The following EMC8 variants were observed in gnomAD, a reference collection of about 807,000 sequenced individuals.
The protein encoded by EMC8 is ER membrane protein complex subunit 8.
Under a neutral mutation model 24.3 loss-of-function variants are expected in EMC8, and 11 were observed. The ratio of observed to expected loss-of-function variants is 0.45; its 90% CI spans 0.28 to 0.75. EMC8 has a LOEUF of 0.75. Among genes scored for constraint, EMC8 ranks in the 30% least tolerant of loss-of-function variants. The pLI is 0.12. For missense variants in EMC8, 277 were observed against 282.7 expected, an observed-to-expected ratio of 0.98 and a Z score of 0.14; for synonymous variants, 145 against 117.7, an observed-to-expected ratio of 1.23 and a Z score of -1.50.
Position 85,799,187 on chromosome 16 carries a change from G to C in EMC8, c.109C>G (p.Pro37Ala). Residue 37 changes from proline to alanine, a missense_variant, in exon 1 of 5, where the codon CCG becomes GCG. Physicochemically the swap from Pro to Ala is conservative, Grantham distance 27 (BLOSUM62 -1). Coordinates refer to ENST00000253457, the MANE Select transcript of EMC8 (RefSeq NM_006067.5). This position sits in a 1 kb window ranked among gnomAD's most constrained non-coding sequence, Gnocchi z 4.2. ...NGLLVAEKQKPRKEHLPLGGP... is the reference protein window; with the variant it reads ...NGLLVAEKQKARKEHLPLGGP... The stretch of plus-strand genomic sequence containing the variant: ...CCCAGGGGGAGGTGCTCCTTACGCG[G>C]CTTCTGCTTCTCGGCCACCAGGAGC... 1 of 1,612,884 alleles carries C rather than the reference G, an allele frequency of 6.2e-7. No individual in the cohort carries two copies. The highest frequency in any genetic ancestry group is 8.5e-7 in the Non-Finnish European group (1 of 1,179,624).
chr16:85,780,408 C>A lies in EMC8; in HGVS notation c.444G>T (p.Glu148Asp), dbSNP rs1197943128. ...GTGGGTCTCTGCACCGCCATCTGTTCTCATGGTGCTCGTACACGTGGATCG... is the reference window on the plus strand; with the variant it reads ...GTGGGTCTCTGCACCGCCATCTGTTATCATGGTGCTCGTACACGTGGATCG... Reference protein sequence around the residue: ...APTIHVYEHHENRWRCRDPHH... With the variant: ...APTIHVYEHHDNRWRCRDPHH... Residue 148 changes from glutamate to aspartate, a missense_variant, in exon 4 of 5, where the codon GAG becomes GAT. Transcript: ENST00000253457. 10 of 1,614,206 alleles carry A rather than the reference C, an allele frequency of 6.2e-6. No individual in the cohort carries two copies. In the South Asian group the frequency reaches 1.1e-4, roughly 18 times the overall value.
rs1000092520 is a variant in EMC8 at position 85,780,079 on chromosome 16, T to C, written c.474-212A>G. 1.2e-5 allele frequency: 7 copies of C among 596,674 alleles called. No homozygotes were observed. The African/African-American group carries it at 1.3e-4, about 11-fold the overall frequency. 37.0% of individuals were successfully genotyped at this position (596,674 alleles called of 1,614,324 possible). On this transcript the variant is annotated intron_variant, in intron 4 of 4. Coordinates refer to ENST00000253457, the MANE Select transcript of EMC8 (RefSeq NM_006067.5). ...AAGGGACGCCTTTCACGTGGAATTC[T>C]GAGAAAGTTGGAGGCAGATGACTGA... is the stretch of plus-strand genomic sequence containing the variant.
At chr16:85,780,073 G>A in intron 4 of EMC8, 1 of 604,456 alleles carries the variant, frequency 1.7e-6, no homozygotes, top group Non-Finnish European at 2.9e-6. Context: ...CTTTCACGTG[G>A]AATTCTGAGA....
intron 1 of EMC8, among the ~76,000 whole-genome samples, chr16:85,795,690 G>T (rs1905219750): frequency 6.6e-6 from 1 of 152,168 alleles, no homozygotes; most frequent in Admixed American, 6.5e-5. Context: ...TGTATCCTTT[G>T]CAGTGTCCTG....
At chr16:85,781,018 G>T in intron 3 of EMC8, 193 bp downstream of exon 3, 1 of 585,634 alleles carries the variant, frequency 1.7e-6, no homozygotes, top group Non-Finnish European at 3.1e-6. Flanking sequence ...CTTGTGTAGT[G>T]ATGCGGAAGC....
At chr16:85,795,292 C>T (rs982942257) in intron 1 of EMC8, among the ~76,000 whole-genome samples, 1 of 152,206 alleles carries the variant, frequency 6.6e-6, no homozygotes, top group Non-Finnish European at 1.5e-5. Context: ...CTTCTTCTCC[C>T]ACTCCTGGGC....
Position 85,799,147 on chromosome 16 carries a change from T to A in EMC8, c.149A>T (p.His50Leu). Residue 50 changes from histidine (H) to leucine (L), a missense_variant, in exon 1 of 5, where the codon CAC becomes CTC. Coordinates refer to ENST00000253457, the MANE Select transcript of EMC8 (RefSeq NM_006067.5). The surrounding 1 kb of genome is among the most constrained non-coding windows in gnomAD (Gnocchi z 4.2). ...GATGCAGTCCACGAAGAGGGTGTGG[T>A]GGGCGCCGGGGCCGCCCAGGGGGAG... ...EHLPLGGPGA[H>L]HTLFVDCIPL... 6 of 1,604,840 alleles carry A rather than the reference T, an allele frequency of 3.7e-6. No homozygotes were observed. Among genetic ancestry groups the A allele is most frequent in the Non-Finnish European group, 4.3e-6 (5 of 1,175,976 alleles).
At chr16:85,793,412 C>G (rs1905098729) in intron 1 of EMC8, among the ~76,000 whole-genome samples, 1 of 152,132 alleles carries the variant, frequency 6.6e-6, no homozygotes, top group Non-Finnish European at 1.5e-5. Flanking sequence ...GCTGATCTTT[C>G]TATGGAATGA....
chr16:85,797,192 G>A (rs1470892151), intron 1 of EMC8, among the ~76,000 whole-genome samples: 1 of 152,186 alleles, frequency 6.6e-6, no homozygotes, highest in African/African-American at 2.4e-5. Flanking sequence ...CGTATTACTT[G>A]AGGTAAGGAG....
rs780461447 is a variant in EMC8 at position 85,779,765 on chromosome 16, G to C, written c.576C>G (p.Asp192Glu). 6.2e-7 allele frequency: 1 copy of C among 1,614,122 alleles called. No individual in the cohort carries two copies. Among genetic ancestry groups the C allele is most frequent in the African/African-American group, 1.3e-5 (1 of 74,952 alleles). Residue 192 changes from aspartate to glutamate, a missense_variant, in exon 5 of 5, where the codon GAC becomes GAG. Asp to Glu is a conservative substitution (Grantham distance 45, BLOSUM62 2). Coordinates refer to ENST00000253457, the MANE Select transcript of EMC8 (RefSeq NM_006067.5). Reference protein sequence around the residue: ...TLVDFDNHLDDIRNDWTNPEI... With the variant: ...TLVDFDNHLDEIRNDWTNPEI... ...CTGGGTTTGTCCAGTCATTCCGAAT[G>C]TCATCCAGGTGGTTATCGAAATCCA...
intron 2 of EMC8, among the ~76,000 whole-genome samples, chr16:85,786,412 A>G (rs1904756796): frequency 6.6e-6 from 1 of 152,216 alleles, no homozygotes. Flanking sequence ...TGAGCTCCCA[A>G]GCTGTGTGGC....
chr16:85,790,225 T>A (rs147815069), intron 1 of EMC8, among the ~76,000 whole-genome samples: 73 of 152,260 alleles, frequency 4.8e-4, no homozygotes, highest in African/African-American at 1.6e-3. Context: ...CTATTGCTCT[T>A]TTTCCTAAAT....
At chr16:85,792,700 C>T (rs1246016430) in intron 1 of EMC8, 2 of 152,192 alleles carry the variant, frequency 1.3e-5, no homozygotes, top group Admixed American at 1.3e-4. Flanking sequence ...AGGATCCTGC[C>T]CTCAGCCCAA....
intron 1 of EMC8, among the ~76,000 whole-genome samples, chr16:85,792,077 T>C (rs891142793): frequency 1.3e-5 from 2 of 152,132 alleles, no homozygotes; most frequent in African/African-American, 2.4e-5. Flanking sequence ...GGCTACTCCA[T>C]CTCTTTCCTG....
chr16:85,793,029 G>T (rs1481099059), intron 1 of EMC8: 1 of 152,232 alleles, frequency 6.6e-6, no homozygotes, highest in Non-Finnish European at 1.5e-5. Flanking sequence ...TTTTTAGAGA[G>T]AAAGGACATT....
intron 3 of EMC8, 97 bp from the exon 4 acceptor site, chr16:85,780,570 C>A: frequency 2.5e-6 from 2 of 807,374 alleles, no homozygotes; most frequent in South Asian, 3.0e-5. Context: ...CGTGCCCACG[C>A]TGGCTGGGGC....
intron 1 of EMC8, 153 bp downstream of exon 1, chr16:85,798,912 C>G: frequency 1.7e-6 from 1 of 586,876 alleles, no homozygotes; most frequent in African/African-American, 1.9e-5. Context: ...AAGACCCAAG[C>G]GCCATCGTGG....
intron 2 of EMC8, 150 bp from the exon 3 acceptor site, chr16:85,781,430 ATTAT>A: frequency 1.6e-6 from 1 of 615,242 alleles, no homozygotes; most frequent in Admixed American, 2.6e-5. Flanking sequence ...TGGTTTACTT[ATTAT>A]TTAATTTTTT....
chr16:85,788,866 G>C, intron 2 of EMC8, 108 bp downstream of exon 2: 2 of 777,276 alleles, frequency 2.6e-6, no homozygotes, highest in Admixed American at 1.8e-5. Flanking sequence ...CAGAGGGAAG[G>C]GGTGTAGGTC....
Sources: allele counts gnomAD v4.1 joint callset (sites outside exome capture counted in the v4.1 genomes callset), GRCh38; gene constraint gnomAD v4.1.1; non-coding constraint Gnocchi (gnomAD v3.1); transcripts MANE v1.5; gene names NCBI Gene and HGNC (gene_info 2026-07-23, HGNC 2026-07-21).